The following EPM2A variants were observed in gnomAD, a reference collection of about 807,000 sequenced individuals.
EPM2A encodes EPM2A glucan phosphatase, laforin.
In EPM2A, 21 loss-of-function variants were observed where a neutral mutation model predicts 26.5. The observed-to-expected ratio is 0.79, with a 90% CI of 0.56 to 1.14. The LOEUF is 1.14. Ranked by LOEUF, EPM2A falls within the 50% of genes most tolerant of loss-of-function variation. EPM2A has a pLI of 0.00. For missense variants in EPM2A, 458 were observed against 440.8 expected (o/e 1.04, Z -0.35); for synonymous variants, 217 against 177.6 (o/e 1.22, Z -1.76).
intron 4 of EPM2A, among the ~76,000 whole-genome samples, chr6:145,398,470 A>C (rs1778437160): frequency 6.6e-6 from 1 of 152,154 alleles, no homozygotes. Flanking sequence ...TGACATGATA[A>C]TTATTTAGTT....
chr6:145,674,676 A>G (rs1779894434), intron 2 of EPM2A, among the ~76,000 whole-genome samples: 1 of 152,172 alleles, frequency 6.6e-6, no homozygotes, highest in Non-Finnish European at 1.5e-5. Context: ...ATCAAGTGGA[A>G]GAAAGGATAT....
rs563777945 is a variant in EPM2A at position 145,452,489 on chromosome 6, C to CAAAAAAAAA, written c.555+50024_555+50032dup. Among the ~76,000 whole-genome samples, 54 of 75,868 alleles carry CAAAAAAAAA rather than the reference C, an allele frequency of 7.1e-4. 2 individuals are homozygous for CAAAAAAAAA. Among genetic ancestry groups the CAAAAAAAAA allele is most frequent in the African/African-American group, 9.7e-4 (16 of 16,418 alleles). The allele number at this position is 75,868 out of a possible 152,430, so 49.8% of individuals were successfully genotyped here. A position where few individuals can be genotyped will look rare whatever the true frequency, so the allele number is the denominator to read the frequency against. On this transcript the variant is annotated intron_variant, in intron 4 of 4. Transcript: ENST00000638717. The stretch of plus-strand genomic sequence containing the variant: ...TGAAACCCAGTCTCTACTAAAAATA[C>CAAAAAAAAA]AAAAAAAAAAAAAAAAAAAAAAAAA...
At chr6:145,553,037 G>C (rs1390938777) in intron 2 of EPM2A, among the ~76,000 whole-genome samples, 1 of 152,014 alleles carries the variant, frequency 6.6e-6, no homozygotes, top group African/African-American at 2.4e-5. Flanking sequence ...TAATCCCCAC[G>C]TGTCAAGGAT....
chr6:145,623,879 G>A (rs900850462), downstream of EPM2A, among the ~76,000 whole-genome samples: 4 of 152,188 alleles, frequency 2.6e-5, no homozygotes, highest in Non-Finnish European at 5.9e-5. Flanking sequence ...ATTTGAATGT[G>A]ACATTTGAAA....
intron 4 of EPM2A, among the ~76,000 whole-genome samples, chr6:145,450,245 C>T (rs1477759860): frequency 6.7e-6 from 1 of 149,576 alleles, no homozygotes; most frequent in South Asian, 2.1e-4. Flanking sequence ...TTCAGCTACT[C>T]GGGAGGCTGA....
rs144080159 is a variant in EPM2A at position 145,573,256 on chromosome 6, C to T, written c.340+61989G>A. Among the ~76,000 whole-genome samples the T allele has an allele frequency of 2.6e-3, 397 of 152,282 alleles. 6 individuals carry two copies. The highest frequency in any genetic ancestry group is 9.1e-3 in the African/African-American group (378 of 41,546). The stretch of plus-strand genomic sequence containing the variant: ...AACACAAAGTCAGAGAGTTGATATA[C>T]CCCTGAGGTAGGACAGTAAAGGTAT... On this transcript the variant is annotated intron_variant, in intron 2 of 3. Coordinates refer to the EPM2A transcript ENST00000450221.
intron 2 of EPM2A, among the ~76,000 whole-genome samples, chr6:145,651,921 T>G (rs904494781): frequency 6.6e-6 from 1 of 152,136 alleles, no homozygotes; most frequent in Non-Finnish European, 1.5e-5. Context: ...GAAAATTCTA[T>G]CCGCCCTCTT....
At chr6:145,506,228 A>C (rs1196878818) in intron 2 of EPM2A, among the ~76,000 whole-genome samples, 1 of 152,220 alleles carries the variant, frequency 6.6e-6, no homozygotes, top group African/African-American at 2.4e-5. Flanking sequence ...TTTTTAAATG[A>C]ACTCCACGTA....
downstream of EPM2A, among the ~76,000 whole-genome samples, chr6:145,498,338 C>T (rs867452542): frequency 3.3e-5 from 5 of 152,144 alleles, no homozygotes; most frequent in Admixed American, 2.0e-4. Context: ...CCCCTGGATT[C>T]CACCCCCTTC....
downstream of EPM2A, among the ~76,000 whole-genome samples, chr6:145,624,969 C>T (rs1775717465): frequency 6.6e-6 from 1 of 152,226 alleles, no homozygotes; most frequent in Non-Finnish European, 1.5e-5. Context: ...GACTTTCCTT[C>T]ACCATGAATG....
chr6:145,662,660 CA>C (rs1231686461), intron 2 of EPM2A, among the ~76,000 whole-genome samples: 1 of 152,072 alleles, frequency 6.6e-6, no homozygotes, highest in East Asian at 1.9e-4. Context: ...GAGGATATAT[CA>C]GGGGTAAATG....
intron 2 of EPM2A, among the ~76,000 whole-genome samples, chr6:145,606,614 T>C (rs1464652965): frequency 6.6e-6 from 1 of 152,120 alleles, no homozygotes; most frequent in Admixed American, 6.5e-5. Flanking sequence ...TAAAAAGCTA[T>C]GCATGTAGTT....
chr6:145,695,766 ATAG>A (rs1367902045), intron 1 of EPM2A, among the ~76,000 whole-genome samples: 1 of 152,076 alleles, frequency 6.6e-6, no homozygotes, highest in Non-Finnish European at 1.5e-5. Context: ...TACATCTAAC[ATAG>A]TAGCTCCTAA....
chr6:145,711,796 C>T (rs1355995708), intron 1 of EPM2A, among the ~76,000 whole-genome samples: 1 of 152,006 alleles, frequency 6.6e-6, no homozygotes, highest in Non-Finnish European at 1.5e-5. Context: ...CTTTAAAATG[C>T]ATTTTTCCTC....
intron 2 of EPM2A, among the ~76,000 whole-genome samples, chr6:145,550,752 G>T (rs1780643971): frequency 6.6e-6 from 1 of 151,856 alleles, no homozygotes; most frequent in Non-Finnish European, 1.5e-5. Flanking sequence ...TTATGAATAG[G>T]AAATATATGT....
intron 2 of EPM2A, among the ~76,000 whole-genome samples, chr6:145,559,655 T>C (rs1337342745): frequency 1.3e-5 from 2 of 149,828 alleles, no homozygotes; most frequent in Non-Finnish European, 3.0e-5. Context: ...ATGGCTCCTT[T>C]CCAATAATAC....
At chr6:145,717,097 A>G (rs1446785414) in intron 1 of EPM2A, among the ~76,000 whole-genome samples, 1 of 152,152 alleles carries the variant, frequency 6.6e-6, no homozygotes, top group Non-Finnish European at 1.5e-5. Flanking sequence ...AAAAGAGGGA[A>G]TCCTCCCTAA....
intron 2 of EPM2A, among the ~76,000 whole-genome samples, chr6:145,562,134 A>G (rs1286099326): frequency 4.6e-5 from 7 of 151,824 alleles, no homozygotes; most frequent in Admixed American, 4.6e-4. Flanking sequence ...AAAGGAAAAA[A>G]AAAAAAAAAG....
chr6:145,535,533 A>G (rs991112251), intron 2 of EPM2A, among the ~76,000 whole-genome samples: 1 of 152,216 alleles, frequency 6.6e-6, no homozygotes, highest in Non-Finnish European at 1.5e-5. Flanking sequence ...GTGAGCAGGC[A>G]CCTCCAGCTT....
Sources: gnomAD v4.1 joint callset for allele counts (sites outside exome capture counted in the v4.1 genomes callset) on GRCh38, gnomAD v4.1.1 for gene constraint, MANE v1.5 for transcripts, NCBI Gene and HGNC (gene_info 2026-07-23, HGNC 2026-07-21) for gene names.